The following PDZK1IP1 variants were observed in gnomAD, a reference collection of about 807,000 sequenced individuals.
The protein encoded by PDZK1IP1 is PDZK1 interacting protein 1.
A neutral mutation model predicts 14.7 loss-of-function variants in PDZK1IP1; 9 were observed. The ratio of observed to expected loss-of-function variants is 0.61; its 90% CI spans 0.37 to 1.07. The LOEUF (loss-of-function observed/expected upper bound fraction) is 1.07, where lower values mean the gene tolerates loss of function less well. Among genes scored for constraint, PDZK1IP1 ranks in the 50% least tolerant of loss-of-function variants. The pLI, the probability that PDZK1IP1 is intolerant of heterozygous loss-of-function variation, is 0.01. For synonymous variants in PDZK1IP1, 70 were observed against 61.2 expected, an observed-to-expected ratio of 1.14 and a Z score of -0.67; for missense variants, 152 against 148.7, an observed-to-expected ratio of 1.02 and a Z score of -0.11.
At chr1:47,185,503 A>G (rs908341362) in intron 2 of PDZK1IP1, among the ~76,000 whole-genome samples, 5 of 152,254 alleles carry the variant, frequency 3.3e-5, no homozygotes, top group African/African-American at 7.2e-5. Flanking sequence ...AGGGCATTCA[A>G]CAACAACCTT....
At chr1:47,184,511 G>A (rs1225431945) in intron 3 of PDZK1IP1, among the ~76,000 whole-genome samples, 3 of 11,068 alleles carry the variant, frequency 2.7e-4, no homozygotes, top group Admixed American at 1.1e-3. Context: ...ATCCCCCACT[G>A]AATCCATCCC....
chr1:47,184,173 C>T (rs1645301797), intron 3 of PDZK1IP1, 130 bp from the exon 4 acceptor site: 3 of 736,142 alleles, frequency 4.1e-6, no homozygotes, highest in Non-Finnish European at 7.0e-6. Context: ...AGGGGATTGT[C>T]CTGACCACAT....
At chr1:47,184,314 CACCATGCTCCACTAAA>C (rs1645302799) in intron 3 of PDZK1IP1, among the ~76,000 whole-genome samples, 1 of 133,276 alleles carries the variant, frequency 7.5e-6, no homozygotes, top group Non-Finnish European at 1.6e-5. Context: ...CCCCCACTGA[CACCATGCTCCACTAAA>C]CCCATCCCCC....
intron 2 of PDZK1IP1, 35 bp downstream of exon 2, chr1:47,187,284 C>A (rs755538552): frequency 1.3e-6 from 2 of 1,495,738 alleles, no homozygotes; most frequent in Non-Finnish European, 1.9e-6. Context: ...CCTGGGCCCA[C>A]CCTGCCTGCT....
rs567158455 is a variant in PDZK1IP1 at position 47,186,073 on chromosome 1, G to A, written c.177-976C>T. Among the ~76,000 whole-genome samples the A allele has an allele frequency of 7.2e-5, 11 of 152,304 alleles. 1 individual carries two copies. Among genetic ancestry groups the A allele is most frequent in the African/African-American group, 2.6e-4 (11 of 41,558 alleles). ...CACCTGTAATCCCAGCACTTTGAGAGGCTGAGGCAGGCGGATCACGAGGTT... is the reference window on the plus strand; with the variant it reads ...CACCTGTAATCCCAGCACTTTGAGAAGCTGAGGCAGGCGGATCACGAGGTT... On this transcript the variant is annotated intron_variant, in intron 2 of 3. Transcript: ENST00000294338.
chr1:47,187,528 G>A (rs887620224), intron 1 of PDZK1IP1, 101 bp from the exon 2 acceptor site: 4 of 908,594 alleles, frequency 4.4e-6, no homozygotes, highest in Non-Finnish European at 7.0e-6. Flanking sequence ...CTATGCTGAA[G>A]GCCCTCAGCC....
intron 2 of PDZK1IP1, chr1:47,185,484 T>C (rs1475981488): frequency 1.3e-5 from 3 of 238,390 alleles, no homozygotes; most frequent in Non-Finnish European, 8.3e-6. Context: ...GTGGAGAAAG[T>C]CTATCTGAAG....
At chr1:47,188,644 C>T (rs1403698229) in intron 1 of PDZK1IP1, among the ~76,000 whole-genome samples, 2 of 152,226 alleles carry the variant, frequency 1.3e-5, no homozygotes, top group East Asian at 1.9e-4. Flanking sequence ...AAAAGCTCTC[C>T]TGCTGCAGTG....
chr1:47,188,494 A>G (rs1478330100), intron 1 of PDZK1IP1, among the ~76,000 whole-genome samples: 1 of 152,228 alleles, frequency 6.6e-6, no homozygotes, highest in African/African-American at 2.4e-5. Flanking sequence ...GACAAAACAC[A>G]GGTCAGCAGG....
chr1:47,186,044 C>T (rs1049636643), intron 2 of PDZK1IP1, among the ~76,000 whole-genome samples: 5 of 152,216 alleles, frequency 3.3e-5, no homozygotes, highest in Non-Finnish European at 7.3e-5. Flanking sequence ...GGCATGGTGG[C>T]TCACACCTGT....
intron 1 of PDZK1IP1, 130 bp from the exon 2 acceptor site, chr1:47,187,557 G>A (rs1468846835): frequency 8.6e-6 from 6 of 699,774 alleles, no homozygotes; most frequent in Non-Finnish European, 1.3e-5. Flanking sequence ...GGAGCAAGGA[G>A]ACATTGTGGG....
In PDZK1IP1 at chr1:47,189,863, T is replaced by C. The variant is rs746073164; in HGVS notation, c.67+3A>G. On this transcript the variant is annotated splice_donor_region_variant and intron_variant, in intron 1 of 3. Coordinates refer to ENST00000294338, the MANE Select transcript of PDZK1IP1 (RefSeq NM_005764.4). ...CGTGCCCAGCCCTCTCCTCCTGAGC[T>C]ACCTTGCTGACAGCTGGCAGGTGGC... 5.0e-6 allele frequency: 8 copies of C among 1,593,144 alleles called. No homozygotes were observed. In the South Asian group the frequency reaches 5.6e-5, roughly 11 times the overall value.
At chr1:47,187,796 C>T (rs1645329641) in intron 1 of PDZK1IP1, among the ~76,000 whole-genome samples, 2 of 152,212 alleles carry the variant, frequency 1.3e-5, no homozygotes, top group Non-Finnish European at 1.5e-5. Context: ...GGGCAGCCCC[C>T]TGGACAGCCG....
At position 47,187,357 on chromosome 1, in the gene PDZK1IP1, G is replaced by A. The variant is rs182360315; in HGVS notation, c.138C>T (p.Ile46=). The change falls in exon 2 of 4, where the codon ATC becomes ATT. Residue 46 remains isoleucine (I), a synonymous_variant. Transcript: ENST00000294338. ...AVAVFLVLVA[I]AFAVNHFWCQ... ...ACCAGAAGTGGTTGACTGCAAAGGC[G>A]ATTGCAACGAGGACCAGGAACACGG... 22 of 1,612,804 alleles carry A rather than the reference G, an allele frequency of 1.4e-5. No individual in the cohort carries two copies. The highest frequency in any genetic ancestry group is 1.6e-4 in the Middle Eastern group (1 of 6,062).
chr1:47,183,946 CTT>C lies in PDZK1IP1; in HGVS notation c.*23_*24del, dbSNP rs1557660211. ...ACATCCATCCCATGTGCCTGGGAGT[CTT>C]GGGGTTGGAGCCACAGAGAAGGTTA... On this transcript the variant is annotated 3_prime_UTR_variant, in exon 4 of 4. Coordinates refer to ENST00000294338, the MANE Select transcript of PDZK1IP1 (RefSeq NM_005764.4). The C allele has an allele frequency of 1.4e-5, 22 of 1,574,856 alleles. No homozygotes were observed. Among genetic ancestry groups the C allele is most frequent in the Non-Finnish European group, 1.7e-5 (20 of 1,156,310 alleles).
At position 47,189,946 on chromosome 1, in the gene PDZK1IP1, C is replaced by T; in HGVS notation, c.-14G>A. On this transcript the variant is annotated 5_prime_UTR_variant, in exon 1 of 4. Transcript: ENST00000294338. ...GAGGGCCGACATGGCTGCAGCAGCT[C>T]CTAGCCTTGCTTCTGGCCGCCGGTG... 1 of 1,579,294 alleles carries T rather than the reference C, an allele frequency of 6.3e-7. No individual in the cohort carries two copies. The highest frequency in any genetic ancestry group is 8.5e-7 in the Non-Finnish European group (1 of 1,171,730).
At chr1:47,186,361 G>T (rs1350952284) in intron 2 of PDZK1IP1, among the ~76,000 whole-genome samples, 1 of 151,936 alleles carries the variant, frequency 6.6e-6, no homozygotes, top group African/African-American at 2.4e-5. Flanking sequence ...GCTCACTTAG[G>T]TAAAGTCCAA....
At position 47,186,232 on chromosome 1, in the gene PDZK1IP1, C is replaced by A. The variant is rs542771569; in HGVS notation, c.176+1087G>T. ...CTGGGGCAGGAGAACCGCTTGAACC[C>A]GGGAGGCAGAAGTTGCAGTGAGCCG... On this transcript the variant is annotated intron_variant, in intron 2 of 3. Coordinates refer to ENST00000294338, the MANE Select transcript of PDZK1IP1 (RefSeq NM_005764.4). Among the ~76,000 whole-genome samples the A allele has an allele frequency of 2.6e-5, 4 of 151,712 alleles. No homozygotes were observed. In the East Asian group the frequency reaches 7.8e-4, roughly 30 times the overall value.
intron 2 of PDZK1IP1, among the ~76,000 whole-genome samples, chr1:47,185,998 C>G (rs569759225): frequency 6.6e-6 from 1 of 152,266 alleles, no homozygotes; most frequent in East Asian, 1.9e-4. Context: ...CGTGTCTCAT[C>G]CCGAAACTGG....
Sources: allele counts gnomAD v4.1 joint callset (sites outside exome capture counted in the v4.1 genomes callset), GRCh38; gene constraint gnomAD v4.1.1; transcripts MANE v1.5; gene names NCBI Gene and HGNC (gene_info 2026-07-23, HGNC 2026-07-21).